Variants in CTDP1 observed in about 807,000 individuals in gnomAD.
CTDP1 encodes RNA polymerase II subunit A C-terminal domain phosphatase.
Under a neutral mutation model 91.8 loss-of-function variants are expected in CTDP1, and 47 were observed. The observed-to-expected ratio is 0.51, with a 90% CI of 0.41 to 0.65. The LOEUF (loss-of-function observed/expected upper bound fraction) is 0.65, where lower values mean the gene tolerates loss of function less well. Ranked by LOEUF, CTDP1 falls within the 30% of genes least tolerant of loss-of-function variation. The pLI is 0.00. For synonymous variants in CTDP1, 656 were observed against 598.5 expected (o/e 1.10, Z -1.40); for missense variants, 1,272 against 1,373.7 (o/e 0.93, Z 1.17).
intron 1 of CTDP1, among the ~76,000 whole-genome samples, chr18:79,690,604 G>A (rs554047941): frequency 6.6e-6 from 1 of 152,212 alleles, no homozygotes; most frequent in Non-Finnish European, 1.5e-5. Flanking sequence ...CTGCAAAGAC[G>A]AAGTGTAGAA....
chr18:79,685,086 A>ACCT (rs1568171237), intron 1 of CTDP1, among the ~76,000 whole-genome samples: 5 of 152,002 alleles, frequency 3.3e-5, no homozygotes, highest in Admixed American at 6.6e-5. Context: ...GGTGAGGAGG[A>ACCT]CGGTGCAGAT....
chr18:79,750,214 C>G (rs984673534), intron 12 of CTDP1, among the ~76,000 whole-genome samples: 2 of 152,002 alleles, frequency 1.3e-5, no homozygotes, highest in South Asian at 2.1e-4. Flanking sequence ...GGGTCTTGCT[C>G]TGTCGCCCAG....
chr18:79,702,732 A>T (rs2085886945), intron 4 of CTDP1: 1 of 152,338 alleles, frequency 6.6e-6, no homozygotes, highest in East Asian at 1.9e-4. Flanking sequence ...TTTAGATATA[A>T]TGCTATTGAA....
rs761198745 is a variant in CTDP1 at position 79,753,726 on chromosome 18, G to A, written c.2822G>A (p.Gly941Asp). 6.2e-7 allele frequency: 1 copy of A among 1,614,024 alleles called. No homozygotes were observed. Among genetic ancestry groups the A allele is most frequent in the Admixed American group, 1.7e-5 (1 of 60,028 alleles). ...SSRESSNEDE[G>D]SSSEADEMAK... ...AGGGAGTCCAGCAACGAGGATGAGG[G>A]CAGCAGCTCCGAGGCCGACGAGATG... Residue 941 changes from glycine to aspartate, a missense_variant, in exon 13 of 13, where the codon GGC becomes GAC. Transcript: ENST00000613122.
At chr18:79,696,516 C>T (rs188604291) in intron 3 of CTDP1, among the ~76,000 whole-genome samples, 2 of 137,196 alleles carry the variant, frequency 1.5e-5, no homozygotes, top group African/African-American at 5.4e-5. Context: ...AGTCGGTGGC[C>T]GGGGGTAGGG....
intron 12 of CTDP1, among the ~76,000 whole-genome samples, chr18:79,744,964 C>G (rs1599317263): frequency 6.6e-6 from 1 of 152,118 alleles, no homozygotes; most frequent in Admixed American, 6.5e-5. Context: ...TGTGCTGGGC[C>G]GTGGAGCAGG....
At chr18:79,700,006 TGTC>T (rs1442465264) in intron 4 of CTDP1, among the ~76,000 whole-genome samples, 6 of 152,246 alleles carry the variant, frequency 3.9e-5, no homozygotes, top group South Asian at 4.1e-4. Flanking sequence ...AGGTCACTGT[TGTC>T]ATTGTTTTGG....
chr18:79,741,146 C>T (rs182871964), intron 12 of CTDP1, among the ~76,000 whole-genome samples: 9 of 144,150 alleles, frequency 6.2e-5, no homozygotes, highest in African/African-American at 1.6e-4. Flanking sequence ...GGTCCCCTTG[C>T]GGTTGATCTG....
Position 79,728,824 on chromosome 18 carries a change from C to T in CTDP1, c.2418-83C>T, listed in dbSNP as rs551070651. Reference sequence around the variant, plus strand: ...GGGGTGTGTGAGTGTTTACCTAGTCCGAGAGCCAGGAGTCTGATTCGGTGC... The same window carrying T: ...GGGGTGTGTGAGTGTTTACCTAGTCTGAGAGCCAGGAGTCTGATTCGGTGC... On this transcript the variant is annotated intron_variant, in intron 10 of 12. Coordinates refer to ENST00000613122, the MANE Select transcript of CTDP1 (RefSeq NM_004715.5). 16 of 1,399,934 alleles carry T rather than the reference C, an allele frequency of 1.1e-5. No individual in the cohort carries two copies. The South Asian group carries it at 1.3e-4, about 12-fold the overall frequency. The allele number at this position is 1,399,934 out of a possible 1,614,324, so 86.7% of individuals were successfully genotyped here.
At chr18:79,711,827 T>C (rs1195615018) in intron 6 of CTDP1, among the ~76,000 whole-genome samples, 1 of 152,224 alleles carries the variant, frequency 6.6e-6, no homozygotes, top group South Asian at 2.1e-4. Flanking sequence ...TTAATATTCT[T>C]TTATATGCTT....
At chr18:79,709,357 G>A (rs180700792) in intron 5 of CTDP1, among the ~76,000 whole-genome samples, 3 of 152,292 alleles carry the variant, frequency 2.0e-5, no homozygotes, top group Admixed American at 2.0e-4. Flanking sequence ...TAACACAGTA[G>A]GCTTAAAGTT....
chr18:79,694,528 G>A lies in CTDP1; in HGVS notation c.315-697G>A, dbSNP rs116565714. Among the ~76,000 whole-genome samples, 879 of 119,420 alleles carry A rather than the reference G, an allele frequency of 7.4e-3. 18 individuals carry two copies. Among genetic ancestry groups the A allele is most frequent in the Middle Eastern group, 0.023 (5 of 218 alleles). 78.3% of individuals were successfully genotyped at this position (119,420 alleles called of 152,430 possible). ...GGGTGGTCGGAGCAGCCCGGCTGGG[G>A]TGGGAGTGTGGGGGCTGCGGACACC... On this transcript the variant is annotated intron_variant, in intron 1 of 12. Coordinates refer to ENST00000613122, the MANE Select transcript of CTDP1 (RefSeq NM_004715.5).
chr18:79,683,371 T>G (rs10432147), intron 1 of CTDP1, among the ~76,000 whole-genome samples: 9,493 of 152,302 alleles, frequency 0.062, 423 homozygotes, highest in South Asian at 0.16. Context: ...TAACACGCAC[T>G]TGTATAGACA....
At chr18:79,753,510 G>T in intron 12 of CTDP1, 142 bp from the exon 13 acceptor site, 1 of 1,320,728 alleles carries the variant, frequency 7.6e-7, no homozygotes, top group Non-Finnish European at 1.1e-6. Flanking sequence ...CCCTGGGTCG[G>T]TGGCCTGTGT....
chr18:79,735,322 T>C (rs150435263), intron 11 of CTDP1, among the ~76,000 whole-genome samples: 3,086 of 152,250 alleles, frequency 0.02, 75 homozygotes, highest in Middle Eastern at 0.11. Context: ...GCTGGGGGAC[T>C]GTGGTCAGGC....
At chr18:79,678,518 T>G (rs1411840049), upstream of CTDP1, 1 of 152,192 alleles carries the variant, frequency 6.6e-6, no homozygotes, top group Non-Finnish European at 1.5e-5. Context: ...TCAGGGCGCC[T>G]TGAATTTGTG....
intron 12 of CTDP1, among the ~76,000 whole-genome samples, chr18:79,751,024 G>A (rs1470227178): frequency 1.5e-5 from 2 of 136,578 alleles, no homozygotes; most frequent in African/African-American, 5.6e-5. Context: ...GAGGCACTGG[G>A]CGCCGAGGGC....
chr18:79,739,850 T>TCGGCGCTTGCTCC lies in CTDP1; in HGVS notation c.2747+3330_2747+3331insGGCGCTTGCTCCC, dbSNP rs1288194047. Among the ~76,000 whole-genome samples the TCGGCGCTTGCTCC allele has an allele frequency of 8.1e-4, 68 of 83,678 alleles. 1 individual carries two copies. Among genetic ancestry groups the TCGGCGCTTGCTCC allele is most frequent in the Non-Finnish European group, 9.8e-4 (39 of 39,918 alleles). The allele number at this position is 83,678 out of a possible 152,430, so 54.9% of individuals were successfully genotyped here. A position where few individuals can be genotyped will look rare whatever the true frequency, so the allele number is the denominator to read the frequency against. On this transcript the variant is annotated intron_variant, in intron 12 of 12. Transcript: ENST00000613122. ...TACCCACGGCCGGGACGGGTGGGAC[T>TCGGCGCTTGCTCC]CTCATACCCACGGCCGGGACGGGTG...
At position 79,680,181 on chromosome 18, in the gene CTDP1, G is replaced by T. The variant is rs1321372185; in HGVS notation, c.234G>T (p.Arg78=). The change falls in exon 1 of 13, where the codon CGG becomes CGT. Residue 78 remains arginine (R), a synonymous_variant. Transcript: ENST00000613122. The part of the protein sequence containing the change: ...VASGGCVRPA[R]PERRLRSERA... ...CCGGGGGCTGCGTGCGCCCCGCGCG[G>T]CCGGAACGCAGGCTGAGGTCGGAGC... The T allele has an allele frequency of 2.9e-6, 4 of 1,382,768 alleles. No individual in the cohort carries two copies. The Admixed American group carries it at 1.4e-4, about 47-fold the overall frequency. The allele number at this position is 1,382,768 out of a possible 1,614,324, so 85.7% of individuals were successfully genotyped here.
Sources: allele counts gnomAD v4.1 joint callset (sites outside exome capture counted in the v4.1 genomes callset), GRCh38; gene constraint gnomAD v4.1.1; transcripts MANE v1.5; gene names NCBI Gene and HGNC (gene_info 2026-07-23, HGNC 2026-07-21).